The following IFT140 variants were observed in gnomAD, a reference collection of about 807,000 sequenced individuals.
The protein encoded by IFT140 is intraflagellar transport 140.
IFT140 carries 133 observed loss-of-function variants against 164.6 expected under a neutral mutation model. That is an observed-to-expected ratio of 0.81 (90% CI 0.70 to 0.93). IFT140 has a LOEUF of 0.93. Ranked by LOEUF, IFT140 falls within the 40% of genes least tolerant of loss-of-function variation. The pLI, the probability that IFT140 is intolerant of heterozygous loss-of-function variation, is 0.00. For synonymous variants in IFT140, 860 were observed against 817.3 expected (o/e 1.05, Z -0.89); for missense variants, 2,045 against 1,972.3 (o/e 1.04, Z -0.70).
intron 19 of IFT140, chr16:1,541,482 C>T (rs1290450703): frequency 2.7e-5 from 27 of 985,302 alleles, no homozygotes; most frequent in Non-Finnish European, 3.3e-5. Flanking sequence ...TGGCCCCCCG[C>T]GGAGTCTCCG....
chr16:1,536,386 C>T (rs2031074616), intron 19 of IFT140, among the ~76,000 whole-genome samples: 2 of 152,220 alleles, frequency 1.3e-5, no homozygotes, highest in African/African-American at 4.8e-5. Flanking sequence ...CCTGGACTGC[C>T]TCCTGCTCAC....
chr16:1,554,169 G>A, intron 19 of IFT140: 1 of 1,272,750 alleles, frequency 7.9e-7, no homozygotes, highest in Non-Finnish European at 1.0e-6. Flanking sequence ...CAAGGCCCTG[G>A]CCCCATCTCC....
intron 12 of IFT140, among the ~76,000 whole-genome samples, chr16:1,581,686 A>T (rs986484325): frequency 2.7e-5 from 4 of 146,148 alleles, no homozygotes; most frequent in East Asian, 4.1e-4. Flanking sequence ...GGGAAATAAG[A>T]AGTTCACCCT....
chr16:1,575,007 C>T (rs1387976752), intron 13 of IFT140, among the ~76,000 whole-genome samples: 1 of 152,164 alleles, frequency 6.6e-6, no homozygotes, highest in Non-Finnish European at 1.5e-5. Flanking sequence ...GGATCACTAA[C>T]CCACCCTTAC....
At chr16:1,549,850 T>A (rs944250078) in intron 19 of IFT140, among the ~76,000 whole-genome samples, 1 of 152,258 alleles carries the variant, frequency 6.6e-6, no homozygotes, top group Non-Finnish European at 1.5e-5. Context: ...TTACACCTGA[T>A]CTGCCACCTT....
intron 30 of IFT140, among the ~76,000 whole-genome samples, chr16:1,516,017 G>GT (rs1308820648): frequency 6.6e-6 from 1 of 151,884 alleles, no homozygotes; most frequent in African/African-American, 2.4e-5. Flanking sequence ...GCGCATGCCT[G>GT]TAATCCCAGC....
intron 4 of IFT140, 67 bp from the exon 5 acceptor site, chr16:1,592,655 GTCCT>G: frequency 1.9e-6 from 3 of 1,554,986 alleles, no homozygotes; most frequent in South Asian, 1.2e-5. Flanking sequence ...AGGGACAGGT[GTCCT>G]GGCAGAGCGA....
At chr16:1,595,057 G>A (rs112191146) in intron 4 of IFT140, among the ~76,000 whole-genome samples, 12,651 of 150,482 alleles carry the variant, frequency 0.084, 655 homozygotes, top group African/African-American at 0.14. Context: ...AGGCCGAGGC[G>A]GGCGGATCAC....
chr16:1,541,918 C>G, intron 19 of IFT140: 1 of 1,590,818 alleles, frequency 6.3e-7, no homozygotes, highest in Non-Finnish European at 8.6e-7. Flanking sequence ...TCTTGGCCCA[C>G]AGTGCAGTTC....
rs979196906 is a variant in IFT140, at chr16:1,525,092, G to T, written c.2864+139C>A. Reference sequence around the variant, plus strand: ...AGGGAGGGCCTGGCTCAGGGCCCTGGCATGGCTCTGAGGAGCCGGGAGGAC... The same window carrying T: ...AGGGAGGGCCTGGCTCAGGGCCCTGTCATGGCTCTGAGGAGCCGGGAGGAC... On this transcript the variant is annotated intron_variant, in intron 22 of 30. Coordinates refer to ENST00000426508, the MANE Select transcript of IFT140 (RefSeq NM_014714.4). 1.6e-5 allele frequency: 19 copies of T among 1,165,758 alleles called. No individual in the cohort carries two copies. The Admixed American group carries it at 3.9e-4, about 24-fold the overall frequency. 72.2% of individuals were successfully genotyped at this position (1,165,758 alleles called of 1,614,324 possible). A position where few individuals can be genotyped will look rare whatever the true frequency, so the allele number is the denominator to read the frequency against.
At chr16:1,604,664 G>A (rs1352232996) in intron 3 of IFT140, among the ~76,000 whole-genome samples, 3 of 152,152 alleles carry the variant, frequency 2.0e-5, no homozygotes, top group African/African-American at 7.2e-5. Context: ...GGCCTGTGAG[G>A]GCACAGCTGC....
At chr16:1,523,451 C>G in intron 26 of IFT140, 67 bp downstream of exon 26, 3 of 1,528,418 alleles carry the variant, frequency 2.0e-6, no homozygotes, top group Non-Finnish European at 8.9e-7. Context: ...CCCACAGCCT[C>G]TGGGGACAGG....
Position 1,534,252 on chromosome 16 carries a change from T to A in IFT140, c.2400-7456A>T, listed in dbSNP as rs768379591. 2.5e-6 allele frequency: 4 copies of A among 1,607,440 alleles called. No homozygotes were observed. In the East Asian group the frequency reaches 6.7e-5, roughly 27 times the overall value. On this transcript the variant is annotated intron_variant, in intron 19 of 30. Coordinates refer to ENST00000426508, the MANE Select transcript of IFT140 (RefSeq NM_014714.4). Reference sequence around the variant, plus strand: ...GGACTGGGACTTGGCTTTCTCCGGATAAGCGGCGGCACCGGCGTCAGCGAT... The same window carrying A: ...GGACTGGGACTTGGCTTTCTCCGGAAAAGCGGCGGCACCGGCGTCAGCGAT...
At chr16:1,552,810 A>G (rs8051895) in intron 19 of IFT140, 78,928 of 206,160 alleles carry the variant, frequency 0.38, 17,340 homozygotes, top group African/African-American at 0.63. Context: ...ACCACACCTC[A>G]CTAATTTTTT....
intron 24 of IFT140, chr16:1,524,279 C>CGTGAG (rs2040607838): frequency 1.6e-6 from 1 of 609,914 alleles, no homozygotes; most frequent in Non-Finnish European, 2.8e-6. Context: ...GTCTGCAAGG[C>CGTGAG]CATAGGCCGT....
intron 4 of IFT140, among the ~76,000 whole-genome samples, chr16:1,597,869 G>C (rs1053615529): frequency 3.3e-5 from 5 of 152,128 alleles, no homozygotes; most frequent in African/African-American, 1.2e-4. Flanking sequence ...TGATTCTCCT[G>C]ACTCGGCCTC....
In IFT140 at chr16:1,553,939, A is replaced by C; in HGVS notation, c.2399+3996T>G. The C allele has an allele frequency of 3.9e-6, 5 of 1,286,264 alleles. No individual in the cohort carries two copies. Among genetic ancestry groups the C allele is most frequent in the Non-Finnish European group, 5.1e-6 (5 of 987,938 alleles). The allele number at this position is 1,286,264 out of a possible 1,614,324, so 79.7% of individuals were successfully genotyped here. ...GGTCTTTGGAGCTCCTCAAAGATAA[A>C]ACTGTAAGTGAAACTGTAGCATCAG... On this transcript the variant is annotated intron_variant, in intron 19 of 30. Transcript: ENST00000426508. This position sits in a 1 kb window ranked among gnomAD's most constrained non-coding sequence, Gnocchi z 4.4.
intron 4 of IFT140, among the ~76,000 whole-genome samples, chr16:1,593,523 G>A (rs559109500): frequency 5.9e-5 from 9 of 152,240 alleles, no homozygotes; most frequent in African/African-American, 1.9e-4. Flanking sequence ...TGTTGGCCAG[G>A]CTGGGACCCC....
chr16:1,511,025 G>T lies in IFT140; in HGVS notation c.4308C>A (p.Pro1436=), dbSNP rs775680460. ...GLGLPLPRTV[P]EQVRHNSMED... ...CCATGCTGTTGTGGCGGACCTGCTC[G>T]GGGACGGTGCGTGGCAGTGGGAGAC... Residue 1436 remains proline, a synonymous_variant, in exon 31 of 31, where the codon CCC becomes CCA. Transcript: ENST00000426508. 1 of 1,606,168 alleles carries T rather than the reference G, an allele frequency of 6.2e-7. No individual in the cohort carries two copies.
Sources: allele counts gnomAD v4.1 joint callset (sites outside exome capture counted in the v4.1 genomes callset), GRCh38; gene constraint gnomAD v4.1.1; non-coding constraint Gnocchi (gnomAD v3.1); transcripts MANE v1.5; gene names NCBI Gene and HGNC (gene_info 2026-07-23, HGNC 2026-07-21).